The following GALNT14 variants were observed in gnomAD, a reference collection of about 807,000 sequenced individuals.
GALNT14 encodes the protein UDP-GalNAc:polypeptide N-acetylgalactosaminyltransferase 14.
In GALNT14, 60 loss-of-function variants were observed where a neutral mutation model predicts 77.5. The observed-to-expected ratio is 0.77, with a 90% CI of 0.63 to 0.96. GALNT14 has a LOEUF of 0.96. GALNT14 is among the 40% of genes least tolerant of loss of function. GALNT14 has a pLI of 0.00. For synonymous variants in GALNT14, 280 were observed against 281.7 expected (o/e 0.99, Z 0.06); for missense variants, 710 against 731.0 (o/e 0.97, Z 0.33).
At chr2:31,008,227 T>C (rs1670797979) in intron 1 of GALNT14, among the ~76,000 whole-genome samples, 5 of 152,136 alleles carry the variant, frequency 3.3e-5, no homozygotes, top group Admixed American at 3.3e-4. Context: ...TGGCTGGGAC[T>C]ACAGGCACAC....
chr2:30,903,702 A>C, the GALNT14 span, among the ~76,000 whole-genome samples: 6 of 152,224 alleles, frequency 3.9e-5, no homozygotes, highest in East Asian at 1.2e-3. Flanking sequence ...TCTCACTAAG[A>C]TATGCCTGTA....
intron 1 of GALNT14, among the ~76,000 whole-genome samples, chr2:31,016,684 G>A (rs909832715): frequency 1.3e-5 from 2 of 152,126 alleles, no homozygotes; most frequent in Non-Finnish European, 2.9e-5. Context: ...ACTGGTGCCA[G>A]TGGCTGAGCA....
intron 1 of GALNT14, among the ~76,000 whole-genome samples, chr2:31,060,566 G>C (rs992726511): frequency 2.0e-5 from 3 of 152,156 alleles, no homozygotes; most frequent in Non-Finnish European, 4.4e-5. Flanking sequence ...CTACAGTCCT[G>C]CTAATAAATG....
intron 1 of GALNT14, among the ~76,000 whole-genome samples, chr2:31,033,032 A>C (rs577535875): frequency 6.6e-6 from 1 of 152,182 alleles, no homozygotes; most frequent in East Asian, 1.9e-4. Context: ...AACTGGGCAC[A>C]CTCTGGCTGG....
intron 1 of GALNT14, among the ~76,000 whole-genome samples, chr2:31,077,552 G>C (rs1389635682): frequency 6.6e-6 from 1 of 152,138 alleles, no homozygotes; most frequent in African/African-American, 2.4e-5. Context: ...CATCTGATAA[G>C]TCTATGAGCC....
intron 1 of GALNT14, among the ~76,000 whole-genome samples, chr2:31,061,748 C>T (rs994114281): frequency 6.6e-6 from 1 of 152,212 alleles, no homozygotes; most frequent in Non-Finnish European, 1.5e-5. Context: ...AGTGTTGGCT[C>T]ATGCTATTTC....
At chr2:31,092,873 T>C (rs1036833824) in intron 1 of GALNT14, among the ~76,000 whole-genome samples, 1 of 152,198 alleles carries the variant, frequency 6.6e-6, no homozygotes, top group Non-Finnish European at 1.5e-5. Context: ...CCATTACTTT[T>C]AATGGCAAAA....
chr2:31,078,271 T>A (rs1675931825), intron 1 of GALNT14, among the ~76,000 whole-genome samples: 1 of 152,178 alleles, frequency 6.6e-6, no homozygotes, highest in Admixed American at 6.5e-5. Flanking sequence ...AAAACTTGAA[T>A]GGTAATGATC....
intron 1 of GALNT14, among the ~76,000 whole-genome samples, chr2:31,064,356 A>T (rs1211773240): frequency 6.6e-6 from 1 of 152,226 alleles, no homozygotes; most frequent in Non-Finnish European, 1.5e-5. Context: ...AAAATATTAG[A>T]TCTAGAAACT....
intron 13 of GALNT14, among the ~76,000 whole-genome samples, chr2:30,921,899 C>T (rs1310280858): frequency 1.3e-5 from 2 of 152,188 alleles, no homozygotes; most frequent in African/African-American, 4.8e-5. Flanking sequence ...CCACAATACA[C>T]AGGGGAGCCC....
chr2:30,999,979 A>C (rs1310532612), intron 1 of GALNT14, among the ~76,000 whole-genome samples: 1 of 152,142 alleles, frequency 6.6e-6, no homozygotes, highest in African/African-American at 2.4e-5. Context: ...TTGGAGCCAC[A>C]CATGTTTTGC....
chr2:30,974,235 T>C (rs1272651973), intron 2 of GALNT14, among the ~76,000 whole-genome samples: 2 of 152,252 alleles, frequency 1.3e-5, no homozygotes, highest in Non-Finnish European at 2.9e-5. Flanking sequence ...TGTGATTAAA[T>C]GTAGTCTTGT....
At chr2:31,134,189 G>A (rs757005919) in intron 1 of GALNT14, among the ~76,000 whole-genome samples, 18 of 152,178 alleles carry the variant, frequency 1.2e-4, no homozygotes, top group African/African-American at 2.7e-4. Flanking sequence ...TCTAAGGGTC[G>A]GGTAGTTCCC....
At chr2:31,087,462 C>CAGGAGGAGACAGGAAAGGAG (rs1171471750) in intron 1 of GALNT14, among the ~76,000 whole-genome samples, 10 of 42,678 alleles carry the variant, frequency 2.3e-4, no homozygotes, top group African/African-American at 4.3e-4. Context: ...GGGCAGGGGA[C>CAGGAGGAGACAGGAAAGGAG]AGGAGGAGAC....
chr2:31,128,477 T>C (rs1022767662), intron 1 of GALNT14, among the ~76,000 whole-genome samples: 4 of 152,236 alleles, frequency 2.6e-5, no homozygotes, highest in Admixed American at 6.5e-5. Flanking sequence ...ACATTTTTCC[T>C]CTTGGAAGGA....
intron 1 of GALNT14, among the ~76,000 whole-genome samples, chr2:31,041,456 G>A (rs1382306381): frequency 6.6e-6 from 1 of 152,152 alleles, no homozygotes; most frequent in African/African-American, 2.4e-5. Context: ...CTGCAGGCCA[G>A]GGGAGATGAA....
intron 1 of GALNT14, among the ~76,000 whole-genome samples, chr2:31,101,052 A>T (rs1316253893): frequency 6.6e-6 from 1 of 152,072 alleles, no homozygotes; most frequent in East Asian, 1.9e-4. Context: ...ATAAAATCAA[A>T]AGATTGTATC....
At chr2:30,989,157 C>T (rs2148396258) in intron 2 of GALNT14, among the ~76,000 whole-genome samples, 1 of 152,266 alleles carries the variant, frequency 6.6e-6, no homozygotes, top group South Asian at 2.1e-4. Flanking sequence ...GTCTGGATAT[C>T]AGCATTGAAA....
At chr2:31,048,627 C>A (rs1673640547) in intron 1 of GALNT14, among the ~76,000 whole-genome samples, 1 of 151,624 alleles carries the variant, frequency 6.6e-6, no homozygotes, top group Non-Finnish European at 1.5e-5. Flanking sequence ...CCTGCCTCCC[C>A]GCAGCAGCAA....
Sources: gnomAD v4.1 joint callset for allele counts (sites outside exome capture counted in the v4.1 genomes callset) on GRCh38, gnomAD v4.1.1 for gene constraint, MANE v1.5 for transcripts, NCBI Gene and HGNC (gene_info 2026-07-23, HGNC 2026-07-21) for gene names.